Variants in NCAN observed in about 807,000 individuals in gnomAD.
NCAN encodes the protein neurocan core protein.
NCAN carries 47 observed loss-of-function variants against 121.8 expected under a neutral mutation model. The ratio of observed to expected loss-of-function variants is 0.39; its 90% CI spans 0.31 to 0.49. The LOEUF (loss-of-function observed/expected upper bound fraction) is 0.49. NCAN is among the 20% of genes least tolerant of loss of function. NCAN has a pLI of 0.92. For synonymous variants in NCAN, 633 were observed against 702.0 expected (o/e 0.90, Z 1.55); for missense variants, 1,517 against 1,773.4 (o/e 0.86, Z 2.60).
At chr19:19,221,566 C>T (rs1467599208) in intron 3 of NCAN, among the ~76,000 whole-genome samples, 1 of 151,848 alleles carries the variant, frequency 6.6e-6, no homozygotes, top group Non-Finnish European at 1.5e-5. Context: ...GAAACTCCAT[C>T]TTAAAAATAA....
intron 9 of NCAN, among the ~76,000 whole-genome samples, 153 bp from the exon 10 acceptor site, chr19:19,234,828 CAG>C (rs529791945): frequency 6.6e-6 from 1 of 152,242 alleles, no homozygotes; most frequent in Non-Finnish European, 1.5e-5. Context: ...CCCTTGCCTG[CAG>C]AGTCATTGGG....
chr19:19,242,378 G>A (rs541735012), intron 12 of NCAN, among the ~76,000 whole-genome samples: 1 of 151,988 alleles, frequency 6.6e-6, no homozygotes, highest in East Asian at 1.9e-4. Context: ...GACAGAGCAA[G>A]ACCCTGTCTC....
intron 5 of NCAN, among the ~76,000 whole-genome samples, 194 bp downstream of exon 5, chr19:19,224,627 C>A (rs539967662): frequency 1.6e-3 from 239 of 151,548 alleles, no homozygotes; most frequent in African/African-American, 5.4e-3. Flanking sequence ...CCCTTTGCCC[C>A]CTTCCTCTCT....
intron 14 of NCAN, 56 bp from the exon 15 acceptor site, chr19:19,249,710 C>T: frequency 1.3e-6 from 2 of 1,543,894 alleles, no homozygotes; most frequent in Non-Finnish European, 1.7e-6. Flanking sequence ...CTGCATCAGG[C>T]CACCTGCCTC....
Position 19,229,064 on chromosome 19 carries a change from C to T in NCAN, c.3019+425C>T, listed in dbSNP as rs144175982. The stretch of plus-strand genomic sequence containing the variant: ...CTCTACTAGAAATATAAAAATTAGC[C>T]GGGTGTGGTGGCACACACCTGTAAT... On this transcript the variant is annotated intron_variant, in intron 8 of 14. Coordinates refer to ENST00000252575, the MANE Select transcript of NCAN (RefSeq NM_004386.3). Among the ~76,000 whole-genome samples, 278 of 152,218 alleles carry T rather than the reference C, an allele frequency of 1.8e-3. 1 individual carries two copies. The highest frequency in any genetic ancestry group is 6.2e-3 in the African/African-American group (256 of 41,528).
chr19:19,239,655 ATCT>A (rs1240257738), intron 11 of NCAN, among the ~76,000 whole-genome samples: 1 of 63,016 alleles, frequency 1.6e-5, no homozygotes, highest in Non-Finnish European at 2.8e-5. Flanking sequence ...CCTTCCACTC[ATCT>A]TCTTCCTCCT....
rs1349825439 is a variant in NCAN at position 19,227,093 on chromosome 19, G to A, written c.1660+20G>A. ...GAGCTGGTGAGTTGCTCTGGGGGAGGCGGGACCTACCTGGGGATCTGGAGG... is the reference window on the plus strand; with the variant it reads ...GAGCTGGTGAGTTGCTCTGGGGGAGACGGGACCTACCTGGGGATCTGGAGG... On this transcript the variant is annotated intron_variant, in intron 7 of 14. Coordinates refer to ENST00000252575, the MANE Select transcript of NCAN (RefSeq NM_004386.3). The surrounding 1 kb of genome is among the most constrained non-coding windows in gnomAD (Gnocchi z 4.2). 2 of 1,504,906 alleles carry A rather than the reference G, an allele frequency of 1.3e-6. No homozygotes were observed. Among genetic ancestry groups the A allele is most frequent in the Non-Finnish European group, 1.8e-6 (2 of 1,129,126 alleles). The allele number at this position is 1,504,906 out of a possible 1,614,324, so 93.2% of individuals were successfully genotyped here.
rs768607319 is a variant in NCAN, at chr19:19,219,195, G to A, written c.354G>A (p.Arg118=). 4 of 1,611,760 alleles carry A rather than the reference G, an allele frequency of 2.5e-6. No homozygotes were observed. Among genetic ancestry groups the A allele is most frequent in the Non-Finnish European group, 1.7e-6 (2 of 1,179,998 alleles). The stretch of plus-strand genomic sequence containing the variant: ...GAGTGTCACTGCCTTCCTACCCCCG[G>A]CGCCGAGCCAACGCCACGCTACTTC... The part of the protein sequence containing the change: ...QGRVSLPSYP[R]RRANATLLLG... The change falls in exon 3 of 15, where the codon CGG becomes CGA. Residue 118 remains arginine (R), a synonymous_variant. Coordinates refer to ENST00000252575, the MANE Select transcript of NCAN (RefSeq NM_004386.3).
chr19:19,229,067 G>A (rs2060848785), intron 8 of NCAN, among the ~76,000 whole-genome samples: 1 of 152,228 alleles, frequency 6.6e-6, no homozygotes. Flanking sequence ...AATTAGCCGG[G>A]TGTGGTGGCA....
chr19:19,245,237 T>TC, intron 12 of NCAN, 76 bp from the exon 13 acceptor site: 1 of 1,557,632 alleles, frequency 6.4e-7, no homozygotes, highest in Non-Finnish European at 8.7e-7. Context: ...GCCAGGGGAG[T>TC]CCCACAGCAG....
chr19:19,238,876 C>G lies in NCAN; in HGVS notation c.3409+465C>G, dbSNP rs200905522. 8 of 223,142 alleles carry G rather than the reference C, an allele frequency of 3.6e-5. No individual in the cohort carries two copies. In the East Asian group the frequency reaches 6.8e-4, roughly 19 times the overall value. The allele number at this position is 223,142 out of a possible 1,614,324, so 13.8% of individuals were successfully genotyped here. ...AAGCACCTGTAATGTGTTCAAAGAC[C>G]TAGGAGAGAGACAAGTGTTCCATTC... is the stretch of plus-strand genomic sequence containing the variant. On this transcript the variant is annotated intron_variant, in intron 11 of 14. Coordinates refer to ENST00000252575, the MANE Select transcript of NCAN (RefSeq NM_004386.3).
At chr19:19,240,996 TG>T (rs770105480) in intron 12 of NCAN, among the ~76,000 whole-genome samples, 1 of 152,168 alleles carries the variant, frequency 6.6e-6, no homozygotes, top group Non-Finnish European at 1.5e-5. Flanking sequence ...ATTTCTAGCC[TG>T]GGCATGATGG....
intron 12 of NCAN, among the ~76,000 whole-genome samples, chr19:19,244,958 C>T (rs984245002): frequency 6.6e-6 from 1 of 151,908 alleles, no homozygotes; most frequent in Non-Finnish European, 1.5e-5. Context: ...GTGATCCGCC[C>T]ACCTCGGCCT....
Position 19,251,304 on chromosome 19 carries a change from G to T in NCAN, c.*1393G>T, listed in dbSNP as rs1031360555. 1 of 152,172 alleles carries T rather than the reference G, an allele frequency of 6.6e-6. No individual in the cohort carries two copies. The highest frequency in any genetic ancestry group is 2.4e-5 in the African/African-American group (1 of 41,446). 9.4% of individuals were successfully genotyped at this position (152,172 alleles called of 1,614,324 possible). The stretch of plus-strand genomic sequence containing the variant: ...TGTTAACTGAGCCTGAATCCCTTCT[G>T]GGAAGTAATAATGACCATTGACAAC... On this transcript the variant is annotated 3_prime_UTR_variant, in exon 15 of 15. Coordinates refer to ENST00000252575, the MANE Select transcript of NCAN (RefSeq NM_004386.3).
chr19:19,249,960 G>A lies in NCAN; in HGVS notation c.*49G>A. Reference sequence around the variant, plus strand: ...ACACCTTTCCCATGCCTCCTCTGGAGCCTTCGCCTGGGGAGACAGAACCCA... The same window carrying A: ...ACACCTTTCCCATGCCTCCTCTGGAACCTTCGCCTGGGGAGACAGAACCCA... On this transcript the variant is annotated 3_prime_UTR_variant, in exon 15 of 15. Transcript: ENST00000252575. 6.4e-7 allele frequency: 1 copy of A among 1,564,050 alleles called. No homozygotes were observed. Among genetic ancestry groups the A allele is most frequent in the Non-Finnish European group, 8.7e-7 (1 of 1,150,882 alleles).
chr19:19,216,841 C>G, intron 1 of NCAN, 106 bp from the exon 2 acceptor site: 1 of 578,764 alleles, frequency 1.7e-6, no homozygotes, highest in Non-Finnish European at 2.8e-6. Flanking sequence ...CTCTCTGAGC[C>G]CTGGTTTCCT....
chr19:19,244,341 C>T (rs2060916177), intron 12 of NCAN, among the ~76,000 whole-genome samples: 1 of 139,840 alleles, frequency 7.2e-6, no homozygotes, highest in Non-Finnish European at 1.5e-5. Flanking sequence ...TAGAATCTCA[C>T]TCCATCACCC....
rs1238282436 is a variant in NCAN, at chr19:19,212,636, G to T, written c.-8+572G>T. 6.6e-6 allele frequency among the ~76,000 whole-genome samples: 1 copy of T among 152,210 alleles called. No individual in the cohort carries two copies. The highest frequency in any genetic ancestry group is 1.9e-4 in the East Asian group (1 of 5,200). On this transcript the variant is annotated intron_variant, in intron 1 of 14. Coordinates refer to ENST00000252575, the MANE Select transcript of NCAN (RefSeq NM_004386.3). The surrounding 1 kb of genome is among the most constrained non-coding windows in gnomAD (Gnocchi z 4.5). ...CCCTGCCATCTCCCTGTCCTTTTGGGTCAGGTCCGGTCACCACGTTCTGAC... is the reference window on the plus strand; with the variant it reads ...CCCTGCCATCTCCCTGTCCTTTTGGTTCAGGTCCGGTCACCACGTTCTGAC...
At chr19:19,240,130 A>G (rs1192651990) in intron 11 of NCAN, among the ~76,000 whole-genome samples, 1 of 54,778 alleles carries the variant, frequency 1.8e-5, no homozygotes, top group Non-Finnish European at 3.6e-5. Flanking sequence ...CCTTCTTCCC[A>G]CTCCTGCCCC....
Sources: gnomAD v4.1 joint callset for allele counts (sites outside exome capture counted in the v4.1 genomes callset) on GRCh38, gnomAD v4.1.1 for gene constraint, Gnocchi (gnomAD v3.1) non-coding constraint, MANE v1.5 for transcripts, NCBI Gene and HGNC (gene_info 2026-07-23, HGNC 2026-07-21) for gene names.